BOC: variants seen among roughly 807,000 people sequenced by gnomAD.
BOC encodes the protein brother of CDO.
Under a neutral mutation model 112.0 loss-of-function variants are expected in BOC, and 76 were observed. That is an observed-to-expected ratio of 0.68 (90% CI 0.56 to 0.82). BOC has a LOEUF of 0.82. BOC is among the 40% of genes least tolerant of loss of function. The pLI, the probability that BOC is intolerant of heterozygous loss-of-function variation, is 0.00. For synonymous variants in BOC, 580 were observed against 599.8 expected (o/e 0.97, Z 0.48); for missense variants, 1,309 against 1,511.7 (o/e 0.87, Z 2.22).
chr3:113,279,162 A>G, intron 11 of BOC, 87 bp from the exon 12 acceptor site: 1 of 1,383,882 alleles, frequency 7.2e-7, no homozygotes, highest in Non-Finnish European at 1.0e-6. Flanking sequence ...GGCCAGGCCC[A>G]GTGGGCATAC....
At chr3:113,254,718 AC>A (rs1946045518) in intron 4 of BOC, among the ~76,000 whole-genome samples, 1 of 152,184 alleles carries the variant, frequency 6.6e-6, no homozygotes, top group Non-Finnish European at 1.5e-5. Flanking sequence ...TCATCCTCGC[AC>A]AAAGCAGTTG....
intron 4 of BOC, among the ~76,000 whole-genome samples, chr3:113,258,561 C>G (rs1559851436): frequency 6.6e-6 from 1 of 152,216 alleles, no homozygotes; most frequent in East Asian, 1.9e-4. Context: ...ATTGGAAAAA[C>G]ATTTATGTGT....
rs1949757223 is a variant in BOC at position 113,287,000 on chromosome 3, T to TATAA, written c.*141_*142insAATA. 1.1e-6 allele frequency: 1 copy of TATAA among 951,236 alleles called. No homozygotes were observed. The highest frequency in any genetic ancestry group is 1.6e-5 in the African/African-American group (1 of 60,684). The allele number at this position is 951,236 out of a possible 1,614,324, so 58.9% of individuals were successfully genotyped here. A position where few individuals can be genotyped will look rare whatever the true frequency, so the allele number is the denominator to read the frequency against. ...ATATTTATGCACTTGTAAATAAATG[T>TATAA]ATATGTTTTATAATTCTGGAGAGAC... is the stretch of plus-strand genomic sequence containing the variant. On this transcript the variant is annotated 3_prime_UTR_variant, in exon 20 of 20. Transcript: ENST00000682979.
chr3:113,283,893 C>G (rs1949425700), intron 16 of BOC, among the ~76,000 whole-genome samples: 1 of 151,908 alleles, frequency 6.6e-6, no homozygotes, highest in African/African-American at 2.4e-5. Context: ...TCTGAAGTGT[C>G]CGAAGCTGCT....
chr3:113,253,121 T>A lies in BOC; in HGVS notation c.376+2288T>A, dbSNP rs76745679. 1.7e-4 allele frequency among the ~76,000 whole-genome samples: 26 copies of A among 152,360 alleles called. No homozygotes were observed. In the East Asian group the frequency reaches 4.8e-3, roughly 28 times the overall value. ...CTTCATATAACCACCACCATCATTT[T>A]GGAGTATACCCTTCCAGTCTTTATC... On this transcript the variant is annotated intron_variant, in intron 4 of 19. Coordinates refer to ENST00000682979, the MANE Select transcript of BOC (RefSeq NM_001378074.1).
At chr3:113,260,329 C>CA (rs1946679730) in intron 4 of BOC, among the ~76,000 whole-genome samples, 3 of 152,130 alleles carry the variant, frequency 2.0e-5, no homozygotes, top group Non-Finnish European at 4.4e-5. Context: ...AAGGATAAAG[C>CA]AGGGACTCAG....
At chr3:113,233,163 G>GTGTT (rs1167893868) in intron 2 of BOC, among the ~76,000 whole-genome samples, 4 of 149,912 alleles carry the variant, frequency 2.7e-5, no homozygotes, top group Non-Finnish European at 5.9e-5. Context: ...GTGTGTGTGT[G>GTGTT]TGTGTGTGTG....
chr3:113,274,323 G>A lies in BOC; in HGVS notation c.1235-52G>A. On this transcript the variant is annotated intron_variant, in intron 8 of 19. Coordinates refer to ENST00000682979, the MANE Select transcript of BOC (RefSeq NM_001378074.1). This position sits in a 1 kb window ranked among gnomAD's most constrained non-coding sequence, Gnocchi z 4.8. ...TTTTCTCCCCAGGAACAACAGCTCA[G>A]CAGGTAAACCAGGAGACTAACCTTT... is the stretch of plus-strand genomic sequence containing the variant. 6.9e-7 allele frequency: 1 copy of A among 1,458,634 alleles called. No homozygotes were observed. The highest frequency in any genetic ancestry group is 2.4e-5 in the East Asian group (1 of 42,536). 90.4% of individuals were successfully genotyped at this position (1,458,634 alleles called of 1,614,324 possible). A position where few individuals can be genotyped will look rare whatever the true frequency, so the allele number is the denominator to read the frequency against.
At chr3:113,272,357 A>G (rs779891213) in intron 6 of BOC, 53 bp from the exon 7 acceptor site, 97 of 1,578,898 alleles carry the variant, frequency 6.1e-5, no homozygotes, top group Non-Finnish European at 3.5e-5. Context: ...GGCATGCTCT[A>G]CAGGACATCC....
chr3:113,213,365 A>G (rs1382834375), intron 1 of BOC, among the ~76,000 whole-genome samples: 1 of 152,198 alleles, frequency 6.6e-6, no homozygotes, highest in African/African-American at 2.4e-5. Flanking sequence ...CACATTGACC[A>G]TTGGATGAAT....
In BOC at chr3:113,274,712, C is replaced by T. The variant is rs768753483; in HGVS notation, c.1542+30C>T. 4 of 1,546,488 alleles carry T rather than the reference C, an allele frequency of 2.6e-6. No individual in the cohort carries two copies. The highest frequency in any genetic ancestry group is 2.4e-5 in the South Asian group (2 of 81,642). The stretch of plus-strand genomic sequence containing the variant: ...GGCCCTGGTGTGGGGCTGCTGCCTC[C>T]CCTGCACAGCCTTTCCAGCAAGGCT... On this transcript the variant is annotated intron_variant, in intron 9 of 19. Coordinates refer to ENST00000682979, the MANE Select transcript of BOC (RefSeq NM_001378074.1). This position sits in a 1 kb window ranked among gnomAD's most constrained non-coding sequence, Gnocchi z 4.8.
At chr3:113,214,673 A>C (rs975538332) in intron 1 of BOC, among the ~76,000 whole-genome samples, 15 of 152,246 alleles carry the variant, frequency 9.9e-5, no homozygotes, top group Admixed American at 9.8e-4. Context: ...TGTCTGGGAA[A>C]ATATGGGACA....
intron 2 of BOC, among the ~76,000 whole-genome samples, chr3:113,221,899 G>A (rs1940747970): frequency 6.6e-6 from 1 of 152,010 alleles, no homozygotes. Context: ...TACTCCCACA[G>A]CCATGTTAGC....
At position 113,279,760 on chromosome 3, in the gene BOC, A is replaced by G. The variant is rs1283906981; in HGVS notation, c.2024-64A>G. On this transcript the variant is annotated intron_variant, in intron 12 of 19. Coordinates refer to ENST00000682979, the MANE Select transcript of BOC (RefSeq NM_001378074.1). ...ACCCCTCCAGGTCCTGGGCCTTGAA[A>G]GGCCATGGGAGAATCAGAAGGTATT... 2.7e-6 allele frequency: 4 copies of G among 1,504,816 alleles called. No individual in the cohort carries two copies. In the African/African-American group the frequency reaches 5.6e-5, roughly 21 times the overall value. The allele number at this position is 1,504,816 out of a possible 1,614,324, so 93.2% of individuals were successfully genotyped here. A position where few individuals can be genotyped will look rare whatever the true frequency, so the allele number is the denominator to read the frequency against.
intron 16 of BOC, 67 bp from the exon 17 acceptor site, chr3:113,284,268 T>C (rs1949466902): frequency 7.3e-7 from 1 of 1,371,752 alleles, no homozygotes; most frequent in African/African-American, 1.4e-5. Context: ...GAGATCCTTG[T>C]GGGGCTTTTC....
intron 12 of BOC, 78 bp downstream of exon 12, chr3:113,279,533 G>A: frequency 7.1e-7 from 1 of 1,415,230 alleles, no homozygotes; most frequent in Non-Finnish European, 9.7e-7. Context: ...TGACGAGCCT[G>A]GGATCCCCTT....
chr3:113,236,658 C>A (rs1244598708), intron 2 of BOC, among the ~76,000 whole-genome samples: 1 of 151,900 alleles, frequency 6.6e-6, no homozygotes, highest in Admixed American at 6.6e-5. Flanking sequence ...TGCACTTATA[C>A]CCCCAAATCT....
At chr3:113,231,394 T>A (rs1273132964) in intron 2 of BOC, among the ~76,000 whole-genome samples, 2 of 152,194 alleles carry the variant, frequency 1.3e-5, no homozygotes, top group African/African-American at 4.8e-5. Context: ...GTAACTTTTT[T>A]AAATTATAAA....
chr3:113,238,607 T>C (rs1023063171), intron 2 of BOC, among the ~76,000 whole-genome samples: 3 of 152,242 alleles, frequency 2.0e-5, no homozygotes, highest in Non-Finnish European at 4.4e-5. Flanking sequence ...TCAATTATTA[T>C]GCCATAATTT....
Sources: allele counts gnomAD v4.1 joint callset (sites outside exome capture counted in the v4.1 genomes callset), GRCh38; gene constraint gnomAD v4.1.1; non-coding constraint Gnocchi (gnomAD v3.1); transcripts MANE v1.5; gene names NCBI Gene and HGNC (gene_info 2026-07-23, HGNC 2026-07-21).